Variants in CSMD1 observed in about 807,000 individuals in gnomAD.
CSMD1 encodes the protein CUB and sushi domain-containing protein 1.
CSMD1 carries 213 observed loss-of-function variants against 417.5 expected under a neutral mutation model. That is an observed-to-expected ratio of 0.51 (90% confidence interval 0.46 to 0.57). The LOEUF is 0.57. CSMD1 is among the 20% of genes least tolerant of loss of function. The pLI is 0.00. For synonymous variants in CSMD1, 2,862 were observed against 1,736.8 expected, an observed-to-expected ratio of 1.65 and a Z score of -16.11; for missense variants, 6,923 against 4,529.7, an observed-to-expected ratio of 1.53 and a Z score of -15.17.
chr8:4,396,551 G>C (rs1449124995), intron 3 of CSMD1, among the ~76,000 whole-genome samples: 1 of 151,888 alleles, frequency 6.6e-6, no homozygotes. Flanking sequence ...GTTTATAGCA[G>C]CAAAATTCGC....
chr8:3,683,871 TTTGC>T (rs901000884), intron 7 of CSMD1, among the ~76,000 whole-genome samples: 1 of 152,050 alleles, frequency 6.6e-6, no homozygotes, highest in Non-Finnish European at 1.5e-5. Flanking sequence ...AAGCTCGCAG[TTTGC>T]TTATTTTTAT....
At chr8:3,306,530 T>C (rs2194356) in intron 25 of CSMD1, among the ~76,000 whole-genome samples, 128,289 of 152,154 alleles carry the variant, frequency 0.84, 55,213 homozygotes, top group Non-Finnish European at 0.94. Context: ...GCAGCTGGGC[T>C]GATTCATTTA....
intron 3 of CSMD1, among the ~76,000 whole-genome samples, chr8:4,090,587 C>T (rs1258824744): frequency 6.6e-6 from 1 of 152,156 alleles, no homozygotes; most frequent in East Asian, 1.9e-4. Flanking sequence ...GTGTGCTCAC[C>T]TGACCTTCAA....
At chr8:3,028,331 G>C (rs1302441307) in intron 51 of CSMD1, among the ~76,000 whole-genome samples, 2 of 152,118 alleles carry the variant, frequency 1.3e-5, no homozygotes, top group African/African-American at 4.8e-5. Context: ...TCGGGAAGGG[G>C]GGCATTTCCT....
intron 5 of CSMD1, among the ~76,000 whole-genome samples, chr8:3,802,014 G>T (rs1359787890): frequency 6.6e-6 from 1 of 152,082 alleles, no homozygotes; most frequent in African/African-American, 2.4e-5. Context: ...GGATTGTGAT[G>T]ACTGCACGAT....
In CSMD1 at chr8:3,775,607, C is replaced by T. The variant is rs113637540; in HGVS notation, c.819-21565G>A. ...CTCATGTGCTCTTGTCAGTAAAGTT[C>T]GTAAATTGTTGGGACTCATGTGCTC... On this transcript the variant is annotated intron_variant, in intron 5 of 69. Coordinates refer to ENST00000635120, the MANE Select transcript of CSMD1 (RefSeq NM_033225.6). Among the ~76,000 whole-genome samples the T allele has an allele frequency of 7.6e-3, 1,164 of 152,200 alleles. 18 individuals carry two copies. The highest frequency in any genetic ancestry group is 0.027 in the African/African-American group (1,109 of 41,520).
chr8:3,187,829 AT>A, intron 36 of CSMD1, 39 bp downstream of exon 36: 2 of 1,488,042 alleles, frequency 1.3e-6, no homozygotes, highest in Non-Finnish European at 1.9e-6. Context: ...GTGTTTGCAG[AT>A]TTTGAGTCAC....
At chr8:3,234,293 CT>C (rs1171115557) in intron 26 of CSMD1, among the ~76,000 whole-genome samples, 1 of 152,168 alleles carries the variant, frequency 6.6e-6, no homozygotes, top group African/African-American at 2.4e-5. Context: ...TTATCCAGCA[CT>C]TTTACTGTAT....
chr8:4,871,113 G>A (rs796066035), intron 1 of CSMD1, among the ~76,000 whole-genome samples: 1 of 152,142 alleles, frequency 6.6e-6, no homozygotes, highest in Non-Finnish European at 1.5e-5. Flanking sequence ...AGTAGCTGGG[G>A]CTGGGAGATA....
chr8:4,415,333 C>T (rs927118188), intron 3 of CSMD1, among the ~76,000 whole-genome samples: 1 of 152,192 alleles, frequency 6.6e-6, no homozygotes, highest in Non-Finnish European at 1.5e-5. Context: ...TATGCTTCTG[C>T]AGGGATTCCT....
At chr8:3,781,013 A>G (rs1016294712) in intron 5 of CSMD1, among the ~76,000 whole-genome samples, 4 of 152,182 alleles carry the variant, frequency 2.6e-5, no homozygotes, top group African/African-American at 9.7e-5. Context: ...TCCTTGGAAT[A>G]AAGTATTTCG....
In CSMD1 at chr8:4,865,721, A is replaced by G. The variant is rs143859519; in HGVS notation, c.85+128611T>C. On this transcript the variant is annotated intron_variant, in intron 1 of 69. Coordinates refer to ENST00000635120, the MANE Select transcript of CSMD1 (RefSeq NM_033225.6). Reference sequence around the variant, plus strand: ...TCAGATTTGTTCTAATGCAAAATGTATCTAAATTTACTTAATATAAGAGAG... The same window carrying G: ...TCAGATTTGTTCTAATGCAAAATGTGTCTAAATTTACTTAATATAAGAGAG... 2.7e-4 allele frequency among the ~76,000 whole-genome samples: 41 copies of G among 152,018 alleles called. 1 individual carries two copies. Among genetic ancestry groups the G allele is most frequent in the African/African-American group, 8.9e-4 (37 of 41,464 alleles).
intron 3 of CSMD1, among the ~76,000 whole-genome samples, chr8:4,161,646 T>G (rs1321289975): frequency 6.6e-6 from 1 of 152,180 alleles, no homozygotes; most frequent in African/African-American, 2.4e-5. Flanking sequence ...TAATGTGTTC[T>G]TCCAACGTCA....
At chr8:3,540,707 T>C (rs569030474) in intron 10 of CSMD1, among the ~76,000 whole-genome samples, 2 of 151,946 alleles carry the variant, frequency 1.3e-5, no homozygotes, top group African/African-American at 2.4e-5. Context: ...AACAATCCCA[T>C]TAAAAAGTGA....
chr8:3,237,190 G>C (rs1333273110), intron 26 of CSMD1, among the ~76,000 whole-genome samples: 1 of 151,298 alleles, frequency 6.6e-6, no homozygotes, highest in African/African-American at 2.4e-5. Context: ...TTTGCAGGCC[G>C]GGTGCGGTAG....
At chr8:4,427,355 G>A (rs1563162113) in intron 2 of CSMD1, among the ~76,000 whole-genome samples, 2 of 152,106 alleles carry the variant, frequency 1.3e-5, no homozygotes, top group African/African-American at 2.4e-5. Flanking sequence ...GTCAGGACAC[G>A]GCAGAGGGTG....
At chr8:3,566,102 G>A (rs944668524) in intron 10 of CSMD1, among the ~76,000 whole-genome samples, 7 of 152,038 alleles carry the variant, frequency 4.6e-5, no homozygotes, top group African/African-American at 1.7e-4. Context: ...AGAAAGGGAA[G>A]GAGGCGGAGA....
chr8:4,700,741 A>G lies in CSMD1; in HGVS notation c.86-63183T>C, dbSNP rs1475774620. Among the ~76,000 whole-genome samples the G allele has an allele frequency of 2.0e-5, 3 of 152,364 alleles. No individual in the cohort carries two copies. In the East Asian group the frequency reaches 5.8e-4, roughly 29 times the overall value. On this transcript the variant is annotated intron_variant, in intron 1 of 69. Transcript: ENST00000635120. ...TATATCCATAAAGTCAGCACATTTT[A>G]TTATATGCAACTTACGCTGCAATAA...
chr8:3,454,504 A>C lies in CSMD1; in HGVS notation c.1561+14208T>G, dbSNP rs558531307. ...CCTTCAGGAGCTCTTTTAGGGCAGG[A>C]CTGGTGGTGACAGAATCTCTCAGCA... On this transcript the variant is annotated intron_variant, in intron 12 of 69. Transcript: ENST00000635120. Among the ~76,000 whole-genome samples, 6 of 152,182 alleles carry C rather than the reference A, an allele frequency of 3.9e-5. 1 individual carries two copies. The highest frequency in any genetic ancestry group is 4.1e-4 in the South Asian group (2 of 4,820).
Sources: allele counts gnomAD v4.1 joint callset (sites outside exome capture counted in the v4.1 genomes callset), GRCh38; gene constraint gnomAD v4.1.1; transcripts MANE v1.5; gene names NCBI Gene and HGNC (gene_info 2026-07-23, HGNC 2026-07-21).